SECISBP2: variants seen among roughly 807,000 people sequenced by gnomAD.
SECISBP2 encodes the protein selenocysteine insertion sequence-binding protein 2.
SECISBP2 carries 96 observed loss-of-function variants against 98.2 expected under a neutral mutation model. That is an observed-to-expected ratio of 0.98 (90% confidence interval 0.83 to 1.16). The LOEUF is 1.16. SECISBP2 is among the 50% of genes most tolerant of loss of function. The pLI, the probability that SECISBP2 is intolerant of heterozygous loss-of-function variation, is 0.00. For synonymous variants in SECISBP2, 407 were observed against 370.2 expected, an observed-to-expected ratio of 1.10 and a Z score of -1.14; for missense variants, 1,046 against 1,022.9, an observed-to-expected ratio of 1.02 and a Z score of -0.31.
In SECISBP2 at chr9:89,350,648, C is replaced by T; in HGVS notation, c.1909C>T (p.Leu637Phe). 1 of 1,613,976 alleles carries T rather than the reference C, an allele frequency of 6.2e-7. No individual in the cohort carries two copies. Among genetic ancestry groups the T allele is most frequent in the Non-Finnish European group, 8.5e-7 (1 of 1,179,880 alleles). ...TTCTTTCAGTTACTGCAGCCAGATG[C>T]TTAGTAAAGAAGTGGATGCTTGTGT... ...RRFRDYCSQMLSKEVDACVTD... is the reference protein window; with the variant it reads ...RRFRDYCSQMFSKEVDACVTD... Residue 637 changes from leucine to phenylalanine, a missense_variant, in exon 14 of 17, where the codon CTT (leucine) becomes TTT (phenylalanine). By Grantham distance (22) the Leu-to-Phe change is conservative. Transcript: ENST00000375807.
chr9:89,353,641 G>T (rs534302026), intron 14 of SECISBP2, among the ~76,000 whole-genome samples: 39 of 152,338 alleles, frequency 2.6e-4, no homozygotes, highest in African/African-American at 8.9e-4. Context: ...GGCTAGCTCA[G>T]TTGTCCATTT....
At position 89,321,921 on chromosome 9, in the gene SECISBP2, C is replaced by T. The variant is rs148461297; in HGVS notation, c.182+2124C>T. Among the ~76,000 whole-genome samples the T allele has an allele frequency of 4.7e-4, 71 of 152,308 alleles. No individual in the cohort carries two copies. The East Asian group carries it at 0.011, about 24-fold the overall frequency. Reference sequence around the variant, plus strand: ...TCAGATTACATGTAAATGGAGATCTCTTGCTGCTGTGACAAAAGGAATAGA... The same window carrying T: ...TCAGATTACATGTAAATGGAGATCTTTTGCTGCTGTGACAAAAGGAATAGA... On this transcript the variant is annotated intron_variant, in intron 2 of 16. Coordinates refer to ENST00000375807, the MANE Select transcript of SECISBP2 (RefSeq NM_024077.5).
chr9:89,361,923 C>T (rs149362980), downstream of SECISBP2: 21 of 171,020 alleles, frequency 1.2e-4, no homozygotes, highest in East Asian at 3.3e-3. Context: ...AAGCAGCAGG[C>T]TTGATTTGCA....
chr9:89,352,348 A>G (rs1490599153), intron 14 of SECISBP2, among the ~76,000 whole-genome samples: 1 of 152,012 alleles, frequency 6.6e-6, no homozygotes, highest in East Asian at 1.9e-4. Context: ...TGCTCTCAAT[A>G]AGGTGTTGTT....
chr9:89,360,687 G>A (rs539054552), downstream of SECISBP2: 3 of 152,186 alleles, frequency 2.0e-5, no homozygotes, highest in South Asian at 6.2e-4. Context: ...GACTCCAGCT[G>A]AGGCCACTGC....
At chr9:89,325,787 A>G in intron 3 of SECISBP2, 110 bp from the exon 4 acceptor site, 1 of 1,591,458 alleles carries the variant, frequency 6.3e-7, no homozygotes, top group South Asian at 1.1e-5. Flanking sequence ...ATTTTTTTGT[A>G]TTTAACCTTT....
At chr9:89,356,550 C>T (rs1172604888) in intron 14 of SECISBP2, 1 of 152,210 alleles carries the variant, frequency 6.6e-6, no homozygotes, top group Non-Finnish European at 1.5e-5. Flanking sequence ...CCTTGAACTC[C>T]TGGGCTCAAG....
intron 2 of SECISBP2, 90 bp from the exon 3 acceptor site, chr9:89,325,337 T>G: frequency 8.1e-7 from 1 of 1,233,930 alleles, no homozygotes; most frequent in Non-Finnish European, 1.2e-6. Context: ...CTCAGAAATA[T>G]TAAATGTTCA....
chr9:89,337,868 C>T (rs546882644), intron 7 of SECISBP2, among the ~76,000 whole-genome samples: 2 of 152,338 alleles, frequency 1.3e-5, no homozygotes, highest in East Asian at 3.9e-4. Flanking sequence ...TAGAAAGCAA[C>T]GGGTAGATGG....
At chr9:89,357,130 G>C (rs1281662162) in intron 14 of SECISBP2, 2 of 452,618 alleles carry the variant, frequency 4.4e-6, no homozygotes, top group African/African-American at 2.0e-5. Context: ...TTTGGGATTT[G>C]GGGGAGGACA....
In SECISBP2 at chr9:89,319,757, G is replaced by A; in HGVS notation, c.142G>A (p.Ala48Thr). 6.2e-7 allele frequency: 1 copy of A among 1,614,190 alleles called. No homozygotes were observed. Among genetic ancestry groups the A allele is most frequent in the Non-Finnish European group, 8.5e-7 (1 of 1,180,036 alleles). The change falls in exon 2 of 17, where the codon GCC becomes ACC. Residue 48 changes from alanine (A) to threonine (T), a missense_variant. By Grantham distance (58) the Ala-to-Thr change is moderately conservative (BLOSUM62 0). Coordinates refer to ENST00000375807, the MANE Select transcript of SECISBP2 (RefSeq NM_024077.5). Reference protein sequence around the residue: ...SEACVFPSSAATYYPFVQEPP... With the variant: ...SEACVFPSSATTYYPFVQEPP... ...AGCATGTGTCTTCCCCAGCTCTGCA[G>A]CCACATACTATCCGTTTGTTCAGGA... is the stretch of plus-strand genomic sequence containing the variant.
chr9:89,358,687 C>A, intron 16 of SECISBP2, 34 bp from the exon 17 acceptor site: 3 of 1,391,064 alleles, frequency 2.2e-6, no homozygotes, highest in Non-Finnish European at 3.1e-6. Flanking sequence ...CTTGTTGATG[C>A]CTATTCCTCA....
rs1365917310 is a variant in SECISBP2 at position 89,319,908 on chromosome 9, GAA to G, written c.182+112_182+113del. 4 of 1,143,378 alleles carry G rather than the reference GAA, an allele frequency of 3.5e-6. No individual in the cohort carries two copies. In the African/African-American group the frequency reaches 6.1e-5, roughly 17 times the overall value. 70.8% of individuals were successfully genotyped at this position (1,143,378 alleles called of 1,614,324 possible). On this transcript the variant is annotated intron_variant, in intron 2 of 16. Coordinates refer to ENST00000375807, the MANE Select transcript of SECISBP2 (RefSeq NM_024077.5). ...CACTAAAGTTCTGCAGATGATGAGA[GAA>G]TGCTCTTCAACCAAGAAGAGTCTGA... is the stretch of plus-strand genomic sequence containing the variant.
chr9:89,318,875 G>A, intron 1 of SECISBP2: 9 of 1,251,558 alleles, frequency 7.2e-6, no homozygotes, highest in Non-Finnish European at 8.0e-6. Flanking sequence ...CTGCGGCCCA[G>A]CCCGGCGCTC....
rs767542500 is a variant in SECISBP2 at position 89,339,988 on chromosome 9, G to A, written c.1302+35G>A. 1.8e-5 allele frequency: 26 copies of A among 1,440,946 alleles called. 2 individuals carry two copies. In the South Asian group the frequency reaches 2.9e-4, roughly 16 times the overall value. 89.3% of individuals were successfully genotyped at this position (1,440,946 alleles called of 1,614,324 possible). ...AGATTGAAACCACAAATTGCTTTAGGCTTAACTCTTCTGGCTCAACTAAAT... is the reference window on the plus strand; with the variant it reads ...AGATTGAAACCACAAATTGCTTTAGACTTAACTCTTCTGGCTCAACTAAAT... On this transcript the variant is annotated intron_variant, in intron 9 of 16. Transcript: ENST00000375807.
intron 10 of SECISBP2, among the ~76,000 whole-genome samples, chr9:89,344,347 T>C (rs1337748687): frequency 6.6e-6 from 1 of 152,228 alleles, no homozygotes; most frequent in African/African-American, 2.4e-5. Flanking sequence ...TTGCTTTTGT[T>C]GCAGCTTTTG....
chr9:89,365,536 G>GT, the SECISBP2 span: 1 of 152,268 alleles, frequency 6.6e-6, no homozygotes, highest in East Asian at 1.9e-4. Flanking sequence ...TTGGTCTTTA[G>GT]AAGTTAGATT....
chr9:89,338,848 A>G (rs1054444516), intron 8 of SECISBP2, among the ~76,000 whole-genome samples: 1 of 151,482 alleles, frequency 6.6e-6, no homozygotes, highest in Middle Eastern at 3.5e-3. Context: ...TTTGTGTGCC[A>G]TATTACTAAT....
intron 11 of SECISBP2, among the ~76,000 whole-genome samples, 156 bp from the exon 12 acceptor site, chr9:89,347,923 G>C (rs1252294309): frequency 6.6e-6 from 1 of 152,184 alleles, no homozygotes; most frequent in East Asian, 1.9e-4. Flanking sequence ...GGGGAGGGTT[G>C]GGTGAGCTCC....
Sources: gnomAD v4.1 joint callset for allele counts (sites outside exome capture counted in the v4.1 genomes callset) on GRCh38, gnomAD v4.1.1 for gene constraint, MANE v1.5 for transcripts, NCBI Gene and HGNC (gene_info 2026-07-23, HGNC 2026-07-21) for gene names.